Variants in FBXL4 observed in about 807,000 individuals in gnomAD.
FBXL4 encodes the protein F-box and leucine rich repeat protein 4, also known as F-box/LRR-repeat protein 4.
FBXL4 carries 40 observed loss-of-function variants against 58.9 expected under a neutral mutation model. The ratio of observed to expected loss-of-function variants is 0.68; its 90% CI spans 0.53 to 0.88. FBXL4 has a LOEUF of 0.88. FBXL4 is among the 40% of genes least tolerant of loss of function. The pLI, the probability that FBXL4 is intolerant of heterozygous loss-of-function variation, is 0.00. For missense variants in FBXL4, 676 were observed against 734.4 expected (o/e 0.92, Z 0.92); for synonymous variants, 263 against 265.5 (o/e 0.99, Z 0.09).
At chr6:98,884,912 C>T (rs1233388751) in intron 7 of FBXL4, among the ~76,000 whole-genome samples, 1 of 152,128 alleles carries the variant, frequency 6.6e-6, no homozygotes. Flanking sequence ...ATTCTATATG[C>T]TTTCCTTCCA....
intron 5 of FBXL4, among the ~76,000 whole-genome samples, chr6:98,910,311 G>T (rs1771986839): frequency 6.6e-6 from 1 of 152,122 alleles, no homozygotes; most frequent in Non-Finnish European, 1.5e-5. Context: ...AAACACCCCA[G>T]TAGGGACACA....
chr6:98,941,697 G>T (rs1006623677), intron 1 of FBXL4, among the ~76,000 whole-genome samples: 1 of 152,148 alleles, frequency 6.6e-6, no homozygotes, highest in African/African-American at 2.4e-5. Context: ...ACAGAATAGT[G>T]ACCTTCATGA....
At chr6:98,907,732 C>T (rs772267607) in intron 5 of FBXL4, among the ~76,000 whole-genome samples, 3 of 151,880 alleles carry the variant, frequency 2.0e-5, no homozygotes, top group Non-Finnish European at 4.4e-5. Context: ...TGCAATTAAC[C>T]TAAATGCTCT....
At chr6:98,933,783 T>C (rs1312896837) in intron 2 of FBXL4, among the ~76,000 whole-genome samples, 5 of 151,824 alleles carry the variant, frequency 3.3e-5, no homozygotes, top group Non-Finnish European at 7.4e-5. Flanking sequence ...ACTGGAAGAG[T>C]AGATGGCATA....
chr6:98,898,877 C>T, intron 7 of FBXL4: 2 of 985,256 alleles, frequency 2.0e-6, no homozygotes, highest in Non-Finnish European at 2.4e-6. Context: ...AAATTTTAAC[C>T]CCCAAGTCTG....
chr6:98,875,488 A>AT lies in FBXL4; in HGVS notation c.1628dup (p.Asn543LysfsTer2). ...CAATGTCTGTGTCACACACAGATCT[A>AT]TTAGCTGTAAGAAAGAGTTTTTGCA... On this transcript the variant is annotated frameshift_variant, in exon 9 of 10. Coordinates refer to ENST00000369244, the MANE Select transcript of FBXL4 (RefSeq NM_001278716.2). LOFTEE classifies it high-confidence loss of function. 1 of 1,614,110 alleles carries AT rather than the reference A, an allele frequency of 6.2e-7. No individual in the cohort carries two copies. Among genetic ancestry groups the AT allele is most frequent in the Non-Finnish European group, 8.5e-7 (1 of 1,179,978 alleles).
chr6:98,877,541 G>A (rs1362882235), intron 8 of FBXL4, among the ~76,000 whole-genome samples: 1 of 152,082 alleles, frequency 6.6e-6, no homozygotes, highest in Admixed American at 6.5e-5. Flanking sequence ...ACTTTTTACT[G>A]GAACAAAGTC....
intron 7 of FBXL4, among the ~76,000 whole-genome samples, chr6:98,881,366 A>G (rs1770848127): frequency 6.6e-6 from 1 of 152,190 alleles, no homozygotes; most frequent in South Asian, 2.1e-4. Context: ...ATTGTGAAAA[A>G]CAAAATAATG....
At chr6:98,939,353 C>A (rs1393976133) in intron 1 of FBXL4, among the ~76,000 whole-genome samples, 1 of 152,132 alleles carries the variant, frequency 6.6e-6, no homozygotes, top group Non-Finnish European at 1.5e-5. Flanking sequence ...GCATTAAATT[C>A]TCTAGCTTTC....
intron 2 of FBXL4, among the ~76,000 whole-genome samples, chr6:98,934,509 G>C (rs1429713409): frequency 2.0e-5 from 3 of 152,032 alleles, no homozygotes; most frequent in Non-Finnish European, 4.4e-5. Flanking sequence ...AAGGAGCAAA[G>C]GCCAAGCATT....
At chr6:98,883,994 A>C (rs1770942637) in intron 7 of FBXL4, among the ~76,000 whole-genome samples, 1 of 151,910 alleles carries the variant, frequency 6.6e-6, no homozygotes, top group South Asian at 2.1e-4. Context: ...TAGTTAATTT[A>C]CTAGCATTTT....
intron 5 of FBXL4, among the ~76,000 whole-genome samples, chr6:98,915,850 C>T (rs919186613): frequency 1.5e-4 from 23 of 150,704 alleles, no homozygotes; most frequent in African/African-American, 5.6e-4. Flanking sequence ...AGCTTCTGCA[C>T]AGCAAAAGAA....
intron 1 of FBXL4, among the ~76,000 whole-genome samples, chr6:98,939,976 T>C (rs1013261035): frequency 1.3e-5 from 2 of 152,246 alleles, no homozygotes; most frequent in African/African-American, 2.4e-5. Context: ...TAGTACAGTA[T>C]GTACCACAGC....
intron 1 of FBXL4, among the ~76,000 whole-genome samples, chr6:98,938,228 A>T (rs1287428757): frequency 6.6e-6 from 1 of 152,110 alleles, no homozygotes; most frequent in East Asian, 1.9e-4. Context: ...TAATCCTTCC[A>T]AACTTACAGG....
chr6:98,905,913 C>T (rs980498338), intron 5 of FBXL4, among the ~76,000 whole-genome samples: 6 of 152,110 alleles, frequency 3.9e-5, no homozygotes, highest in African/African-American at 1.4e-4. Flanking sequence ...TTCTTAGGTG[C>T]AAAGATACAC....
chr6:98,941,437 A>G (rs1773428429), intron 1 of FBXL4, among the ~76,000 whole-genome samples: 1 of 152,148 alleles, frequency 6.6e-6, no homozygotes, highest in African/African-American at 2.4e-5. Flanking sequence ...AGTAACCACA[A>G]AGGGGCCACA....
intron 5 of FBXL4, among the ~76,000 whole-genome samples, chr6:98,914,129 C>A (rs1049347022): frequency 6.6e-6 from 1 of 152,158 alleles, no homozygotes; most frequent in African/African-American, 2.4e-5. Context: ...GAAGTTGAAT[C>A]TCTGAATAGA....
At chr6:98,922,599 C>T (rs1219538640) in intron 4 of FBXL4, among the ~76,000 whole-genome samples, 1 of 152,120 alleles carries the variant, frequency 6.6e-6, no homozygotes, top group Non-Finnish European at 1.5e-5. Flanking sequence ...TGAAAGAAAT[C>T]TTTATTCAAG....
intron 5 of FBXL4, among the ~76,000 whole-genome samples, chr6:98,910,932 A>G (rs1394762639): frequency 6.6e-6 from 1 of 152,196 alleles, no homozygotes; most frequent in Non-Finnish European, 1.5e-5. Context: ...GGTCAAGGAA[A>G]GGGGTGACAG....
Sources: allele counts gnomAD v4.1 joint callset (sites outside exome capture counted in the v4.1 genomes callset), GRCh38; gene constraint gnomAD v4.1.1; transcripts MANE v1.5; gene names NCBI Gene and HGNC (gene_info 2026-07-23, HGNC 2026-07-21).